The following CLIC4 variants were observed in gnomAD, a reference collection of about 807,000 sequenced individuals.
The protein encoded by CLIC4 is CLIC family member 4.
Under a neutral mutation model 24.6 loss-of-function variants are expected in CLIC4, and 13 were observed. That is an observed-to-expected ratio of 0.53 (90% CI 0.34 to 0.84). CLIC4 has a LOEUF of 0.84. Ranked by LOEUF, CLIC4 falls within the 40% of genes least tolerant of loss-of-function variation. The pLI is 0.01. For missense variants in CLIC4, 227 were observed against 301.7 expected, an observed-to-expected ratio of 0.75 and a Z score of 1.83; for synonymous variants, 104 against 111.3, an observed-to-expected ratio of 0.93 and a Z score of 0.41.
intron 1 of CLIC4, among the ~76,000 whole-genome samples, chr1:24,754,388 C>T (rs561014882): frequency 4.7e-4 from 72 of 152,278 alleles, no homozygotes; most frequent in African/African-American, 1.6e-3. Context: ...GTGAGCCATC[C>T]TTTTCCGCTT....
intron 1 of CLIC4, among the ~76,000 whole-genome samples, chr1:24,759,916 G>A (rs1036921452): frequency 1.3e-5 from 2 of 151,818 alleles, no homozygotes; most frequent in Non-Finnish European, 2.9e-5. Flanking sequence ...ATCCATAATC[G>A]TGTCACTGCC....
chr1:24,795,836 G>A (rs1639392901), intron 1 of CLIC4, among the ~76,000 whole-genome samples: 1 of 152,214 alleles, frequency 6.6e-6, no homozygotes, highest in Non-Finnish European at 1.5e-5. Flanking sequence ...CCAAAGTGCT[G>A]GGATTACAGG....
At chr1:24,770,524 T>G (rs537188831) in intron 1 of CLIC4, among the ~76,000 whole-genome samples, 2 of 152,214 alleles carry the variant, frequency 1.3e-5, no homozygotes, top group Admixed American at 6.5e-5. Flanking sequence ...CCAAACTGAT[T>G]AGTCTTATAG....
intron 1 of CLIC4, among the ~76,000 whole-genome samples, chr1:24,781,134 ATTT>A (rs35627731): frequency 2.7e-4 from 26 of 97,324 alleles, no homozygotes; most frequent in African/African-American, 6.5e-4. Context: ...AGGTAACTGA[ATTT>A]TTTTTTTTTT....
chr1:24,753,611 G>A (rs1435903996), intron 1 of CLIC4, among the ~76,000 whole-genome samples: 1 of 152,216 alleles, frequency 6.6e-6, no homozygotes, highest in Non-Finnish European at 1.5e-5. Context: ...GAAGGAACCA[G>A]GAGTGATTCA....
chr1:24,750,440 T>TTTCTTTC (rs1557792553), intron 1 of CLIC4, among the ~76,000 whole-genome samples: 2 of 143,054 alleles, frequency 1.4e-5, no homozygotes, highest in African/African-American at 5.5e-5. Context: ...TTCTTTCTTT[T>TTTCTTTC]TTTTTTTTTT....
At chr1:24,761,569 G>A (rs766447156) in intron 1 of CLIC4, among the ~76,000 whole-genome samples, 2 of 152,156 alleles carry the variant, frequency 1.3e-5, no homozygotes, top group African/African-American at 2.4e-5. Context: ...CATCATGGAG[G>A]GCCTTGTATG....
At chr1:24,807,813 CTT>C (rs1039364446) in intron 2 of CLIC4, among the ~76,000 whole-genome samples, 25 of 152,232 alleles carry the variant, frequency 1.6e-4, no homozygotes, top group Admixed American at 7.9e-4. Context: ...GAAAAACAGA[CTT>C]ATATTATTAA....
chr1:24,771,435 G>A (rs1639069965), intron 1 of CLIC4, among the ~76,000 whole-genome samples: 1 of 151,690 alleles, frequency 6.6e-6, no homozygotes, highest in African/African-American at 2.4e-5. Context: ...CAAGGATAAG[G>A]GATTATTTTC....
chr1:24,779,522 C>T (rs1192454081), intron 1 of CLIC4, among the ~76,000 whole-genome samples: 1 of 152,062 alleles, frequency 6.6e-6, no homozygotes, highest in Non-Finnish European at 1.5e-5. Flanking sequence ...AGATCTGTCC[C>T]GAGGTAAACA....
chr1:24,775,737 C>T (rs1179013568), intron 1 of CLIC4, among the ~76,000 whole-genome samples: 3 of 151,208 alleles, frequency 2.0e-5, no homozygotes, highest in East Asian at 3.9e-4. Context: ...ATTTTTCTTT[C>T]GTTATTTGAA....
At chr1:24,803,463 AGTTG>A (rs1639513814) in intron 2 of CLIC4, among the ~76,000 whole-genome samples, 1 of 152,180 alleles carries the variant, frequency 6.6e-6, no homozygotes, top group Admixed American at 6.5e-5. Flanking sequence ...TTTGAATCTC[AGTTG>A]GCATTAATGA....
chr1:24,774,214 A>C (rs1246929267), intron 1 of CLIC4, among the ~76,000 whole-genome samples: 1 of 151,936 alleles, frequency 6.6e-6, no homozygotes, highest in East Asian at 2.0e-4. Context: ...GAGCTCAGGC[A>C]GTCCGCCTGC....
At position 24,752,923 on chromosome 1, in the gene CLIC4, G is replaced by A. The variant is rs183011122; in HGVS notation, c.72+7298G>A. 3.9e-5 allele frequency among the ~76,000 whole-genome samples: 6 copies of A among 152,158 alleles called. No homozygotes were observed. In the East Asian group the frequency reaches 7.7e-4, roughly 20 times the overall value. On this transcript the variant is annotated intron_variant, in intron 1 of 5. Coordinates refer to ENST00000374379, the MANE Select transcript of CLIC4 (RefSeq NM_013943.3). Reference sequence around the variant, plus strand: ...TTTTTAGTAGAGATGGGGTTTCACCGTGTTGGTCAGGATGGTCTCGATCTC... The same window carrying A: ...TTTTTAGTAGAGATGGGGTTTCACCATGTTGGTCAGGATGGTCTCGATCTC...
At chr1:24,810,367 G>A (rs1373624557) in intron 2 of CLIC4, among the ~76,000 whole-genome samples, 1 of 152,146 alleles carries the variant, frequency 6.6e-6, no homozygotes, top group Non-Finnish European at 1.5e-5. Flanking sequence ...CAGCTGAAAG[G>A]TAGATTGTCC....
At chr1:24,828,303 G>GT (rs1013948539) in intron 4 of CLIC4, among the ~76,000 whole-genome samples, 2 of 151,986 alleles carry the variant, frequency 1.3e-5, no homozygotes, top group Non-Finnish European at 2.9e-5. Flanking sequence ...GGTCTGGCTT[G>GT]TATCTGTTAA....
intron 1 of CLIC4, among the ~76,000 whole-genome samples, chr1:24,749,729 G>A (rs1638750602): frequency 6.6e-6 from 1 of 152,002 alleles, no homozygotes; most frequent in African/African-American, 2.4e-5. Flanking sequence ...AGGCCAAGGA[G>A]GATGAATCTT....
At chr1:24,839,327 T>C (rs916642763) in intron 4 of CLIC4, among the ~76,000 whole-genome samples, 3 of 152,154 alleles carry the variant, frequency 2.0e-5, no homozygotes, top group African/African-American at 7.2e-5. Flanking sequence ...TGAGACAGAG[T>C]CTCGCTCTTT....
intron 1 of CLIC4, among the ~76,000 whole-genome samples, chr1:24,771,216 G>A (rs999814985): frequency 2.6e-5 from 4 of 152,034 alleles, no homozygotes; most frequent in Admixed American, 2.0e-4. Context: ...AACATATTTC[G>A]GGGTTTTAGG....
Sources: allele counts gnomAD v4.1 joint callset (sites outside exome capture counted in the v4.1 genomes callset), GRCh38; gene constraint gnomAD v4.1.1; transcripts MANE v1.5; gene names NCBI Gene and HGNC (gene_info 2026-07-23, HGNC 2026-07-21).